The following DNAI1 variants were observed in gnomAD, a reference collection of about 807,000 sequenced individuals.
The protein encoded by DNAI1 is dynein axonemal intermediate chain 1.
Under a neutral mutation model 92.0 loss-of-function variants are expected in DNAI1, and 67 were observed. That is an observed-to-expected ratio of 0.73 (90% CI 0.60 to 0.89). The LOEUF (loss-of-function observed/expected upper bound fraction) is 0.89, where lower values mean the gene tolerates loss of function less well. Among genes scored for constraint, DNAI1 ranks in the 40% least tolerant of loss-of-function variants. The pLI is 0.00. For synonymous variants in DNAI1, 323 were observed against 319.6 expected (o/e 1.01, Z -0.11); for missense variants, 839 against 866.6 (o/e 0.97, Z 0.40).
chr9:34,520,930 C>A lies in DNAI1; in HGVS notation c.*174C>A. ...CCAGCACCTTACCCCAGGACTTGGTCTTCAACCACCATTACCCCTCTAACT... is the reference window on the plus strand; with the variant it reads ...CCAGCACCTTACCCCAGGACTTGGTATTCAACCACCATTACCCCTCTAACT... On this transcript the variant is annotated 3_prime_UTR_variant, in exon 20 of 20. Transcript: ENST00000242317. 1.4e-6 allele frequency: 1 copy of A among 692,146 alleles called. No individual in the cohort carries two copies. Among genetic ancestry groups the A allele is most frequent in the Non-Finnish European group, 2.6e-6 (1 of 388,070 alleles). 42.9% of individuals were successfully genotyped at this position (692,146 alleles called of 1,614,324 possible).
At chr9:34,475,603 T>C (rs946554090) in intron 1 of DNAI1, among the ~76,000 whole-genome samples, 2 of 152,210 alleles carry the variant, frequency 1.3e-5, no homozygotes, top group Non-Finnish European at 2.9e-5. Flanking sequence ...ATGCACCTTA[T>C]GTGTGTTGTT....
rs55750068 is a variant in DNAI1 at position 34,458,836 on chromosome 9, T to A, written c.-170T>A. On this transcript the variant is annotated 5_prime_UTR_variant, in exon 1 of 20. Transcript: ENST00000242317. The surrounding 1 kb of genome is among the most constrained non-coding windows in gnomAD (Gnocchi z 6.6). ...TGGGTAACCGCGTCAGGGAGTTGGATTCTATCCTGCAAGGGCACGGGGACC... is the reference window on the plus strand; with the variant it reads ...TGGGTAACCGCGTCAGGGAGTTGGAATCTATCCTGCAAGGGCACGGGGACC... 2.8e-3 allele frequency: 1,977 copies of A among 697,552 alleles called. 5 individuals are homozygous for A. Among genetic ancestry groups the A allele is most frequent in the Admixed American group, 4.7e-3 (231 of 48,808 alleles). The allele number at this position is 697,552 out of a possible 1,614,324, so 43.2% of individuals were successfully genotyped here.
At chr9:34,500,946 G>A in intron 11 of DNAI1, 107 bp downstream of exon 11, 1 of 1,062,534 alleles carries the variant, frequency 9.4e-7, no homozygotes, top group Non-Finnish European at 1.5e-6. Context: ...ACATGTGACA[G>A]TATAGAAAAA....
At chr9:34,479,394 C>T (rs1448027833) in intron 1 of DNAI1, among the ~76,000 whole-genome samples, 2 of 152,280 alleles carry the variant, frequency 1.3e-5, no homozygotes, top group African/African-American at 4.8e-5. Flanking sequence ...CATTCTATCT[C>T]CTTTGCCATG....
At chr9:34,506,383 T>C (rs934856043) in intron 12 of DNAI1, among the ~76,000 whole-genome samples, 5 of 152,124 alleles carry the variant, frequency 3.3e-5, no homozygotes, top group African/African-American at 9.7e-5. Flanking sequence ...TGGGGAGAAT[T>C]AGGAGAATAA....
chr9:34,516,867 G>T (rs1317679656), intron 18 of DNAI1, among the ~76,000 whole-genome samples: 1 of 151,204 alleles, frequency 6.6e-6, no homozygotes, highest in East Asian at 1.9e-4. Flanking sequence ...AGCCTCCCTA[G>T]TAGCTGGGAC....
At chr9:34,462,659 G>A (rs1823971943) in intron 1 of DNAI1, among the ~76,000 whole-genome samples, 1 of 152,142 alleles carries the variant, frequency 6.6e-6, no homozygotes, top group South Asian at 2.1e-4. Context: ...AGACTTGTGG[G>A]GAATTATAAC....
chr9:34,501,254 CTT>C, intron 12 of DNAI1, 73 bp downstream of exon 12: 1 of 1,257,544 alleles, frequency 8.0e-7, no homozygotes, highest in Admixed American at 1.7e-5. Flanking sequence ...GTGCAGAACT[CTT>C]TGCCAGTTGT....
At position 34,489,950 on chromosome 9, in the gene DNAI1, TC is replaced by T; in HGVS notation, c.389-59del. On this transcript the variant is annotated intron_variant, in intron 5 of 19. Coordinates refer to ENST00000242317, the MANE Select transcript of DNAI1 (RefSeq NM_012144.4). ...CCCCAGGCAGAAACCAAGAAAGCCC[TC>T]CCTGCCACAGATTGGGAGAGCAGGC... is the stretch of plus-strand genomic sequence containing the variant. The T allele has an allele frequency of 1.9e-6, 3 of 1,593,326 alleles. No individual in the cohort carries two copies. The South Asian group carries it at 3.4e-5, about 18-fold the overall frequency.
intron 2 of DNAI1, chr9:34,484,920 C>A: frequency 2.0e-6 from 1 of 508,286 alleles, no homozygotes; most frequent in Non-Finnish European, 3.6e-6. Flanking sequence ...TCCAGCTAAG[C>A]CTGACCCCCA....
intron 1 of DNAI1, among the ~76,000 whole-genome samples, chr9:34,474,831 T>C (rs1459377849): frequency 1.3e-5 from 2 of 152,062 alleles, no homozygotes; most frequent in South Asian, 2.1e-4. Flanking sequence ...CCTCCCAAAG[T>C]GTTGGGATTA....
chr9:34,485,341 G>T, intron 3 of DNAI1, 96 bp from the exon 4 acceptor site: 2 of 1,589,934 alleles, frequency 1.3e-6, no homozygotes, highest in South Asian at 1.1e-5. Context: ...GAACCTGGGT[G>T]TGAGATGTCT....
chr9:34,482,108 A>C (rs1042147181), intron 1 of DNAI1, among the ~76,000 whole-genome samples: 1 of 152,234 alleles, frequency 6.6e-6, no homozygotes, highest in African/African-American at 2.4e-5. Flanking sequence ...AGGTTCTCCA[A>C]GTCCCCACCA....
intron 9 of DNAI1, among the ~76,000 whole-genome samples, chr9:34,496,712 C>G (rs1046683643): frequency 6.6e-6 from 1 of 152,168 alleles, no homozygotes; most frequent in African/African-American, 2.4e-5. Context: ...CTTTCACTCT[C>G]TGAGCTGGTA....
At chr9:34,507,003 CA>C in intron 13 of DNAI1, 129 bp downstream of exon 13, 4 of 1,399,834 alleles carry the variant, frequency 2.9e-6, no homozygotes, top group Non-Finnish European at 3.9e-6. Flanking sequence ...ACCATCAGGT[CA>C]GGATCTGGGT....
In DNAI1 at chr9:34,485,123, A is replaced by G. The variant is rs1405752000; in HGVS notation, c.82-19A>G. 6.2e-7 allele frequency: 1 copy of G among 1,613,566 alleles called. No individual in the cohort carries two copies. The highest frequency in any genetic ancestry group is 8.5e-7 in the Non-Finnish European group (1 of 1,179,484). ...AGCAGAAAAGACACTCCCAAGCCTC[A>G]TGTGAGGTTTTTGTCTAGGATGAAG... On this transcript the variant is annotated intron_variant, in intron 2 of 19. Coordinates refer to ENST00000242317, the MANE Select transcript of DNAI1 (RefSeq NM_012144.4).
intron 4 of DNAI1, 169 bp from the exon 5 acceptor site, chr9:34,489,154 T>C (rs1429930011): frequency 1.4e-6 from 1 of 726,182 alleles, no homozygotes; most frequent in Non-Finnish European, 2.4e-6. Context: ...CTTCCTTTTC[T>C]TCTTTAAACT....
At chr9:34,480,546 C>A (rs1824332059) in intron 1 of DNAI1, among the ~76,000 whole-genome samples, 1 of 152,038 alleles carries the variant, frequency 6.6e-6, no homozygotes, top group East Asian at 1.9e-4. Context: ...GGATTACAGG[C>A]ATGAGCCACC....
chr9:34,472,529 A>G (rs893770265), intron 1 of DNAI1, among the ~76,000 whole-genome samples: 1 of 152,190 alleles, frequency 6.6e-6, no homozygotes, highest in African/African-American at 2.4e-5. Context: ...CACTGCATTC[A>G]TAGGAAAGAA....
Sources: gnomAD v4.1 joint callset for allele counts (sites outside exome capture counted in the v4.1 genomes callset) on GRCh38, gnomAD v4.1.1 for gene constraint, Gnocchi (gnomAD v3.1) non-coding constraint, MANE v1.5 for transcripts, NCBI Gene and HGNC (gene_info 2026-07-23, HGNC 2026-07-21) for gene names.